PCDHGB1: variants seen among roughly 807,000 people sequenced by gnomAD.
PCDHGB1 encodes protocadherin gamma subfamily B, 1, also known as protocadherin gamma-B1.
PCDHGB1 carries 34 observed loss-of-function variants against 56.6 expected under a neutral mutation model. The ratio of observed to expected loss-of-function variants is 0.60; its 90% confidence interval spans 0.46 to 0.80. The LOEUF (loss-of-function observed/expected upper bound fraction) is 0.80. Ranked by LOEUF, PCDHGB1 falls within the 30% of genes least tolerant of loss-of-function variation. The probability of loss-of-function intolerance (pLI) is 0.00; values close to 1 mark genes in which losing one functional copy is unlikely to be tolerated. For synonymous variants in PCDHGB1, 561 were observed against 505.9 expected (o/e 1.11, Z -1.46); for missense variants, 1,278 against 1,204.6 (o/e 1.06, Z -0.90).
chr5:141,360,291 G>A (rs1221790863), intron 1 of PCDHGB1: 2 of 1,613,874 alleles, frequency 1.2e-6, no homozygotes, highest in African/African-American at 2.7e-5. Context: ...ACCTCGCCAA[G>A]GATCTGGGGC....
intron 1 of PCDHGB1, chr5:141,377,100 C>G (rs941685328): frequency 6.6e-6 from 1 of 152,186 alleles, no homozygotes; most frequent in East Asian, 1.9e-4. Context: ...TCTTTTATAT[C>G]AAAAGAATGT....
At position 141,491,583 on chromosome 5, in the gene PCDHGB1, C is replaced by T; in HGVS notation, c.2410-3224C>T. On this transcript the variant is annotated intron_variant, in intron 1 of 3. Transcript: ENST00000523390. The surrounding 1 kb of genome is among the most constrained non-coding windows in gnomAD (Gnocchi z 6.9). ...GCTACAGGACGTGCTTTTCACCGGC[C>T]TCGGACGGCAGTGACTTCACTTTTC... 1 of 1,613,964 alleles carries T rather than the reference C, an allele frequency of 6.2e-7. No individual in the cohort carries two copies. Among genetic ancestry groups the T allele is most frequent in the African/African-American group, 1.3e-5 (1 of 75,032 alleles).
At chr5:141,442,205 A>G (rs2098308049) in intron 1 of PCDHGB1, 1 of 153,214 alleles carries the variant, frequency 6.5e-6, no homozygotes, top group Admixed American at 6.5e-5. Context: ...ATATCTGGTG[A>G]TTGCCTTAGC....
At chr5:141,364,769 G>A in intron 1 of PCDHGB1, 4 of 1,614,012 alleles carry the variant, frequency 2.5e-6, no homozygotes, top group Non-Finnish European at 3.4e-6. Flanking sequence ...TGAAAATGCG[G>A]CTGCAGGGAC....
At chr5:141,376,055 G>C in intron 1 of PCDHGB1, 2 of 1,613,350 alleles carry the variant, frequency 1.2e-6, no homozygotes, top group Non-Finnish European at 1.7e-6. Flanking sequence ...CTCCGCCACT[G>C]TCACGCTCAC....
At chr5:141,375,775 C>A (rs1425476236) in intron 1 of PCDHGB1, 2 of 1,614,240 alleles carry the variant, frequency 1.2e-6, no homozygotes, top group East Asian at 2.2e-5. Flanking sequence ...AGATCCTGTA[C>A]CCCGCCCTCC....
chr5:141,376,508 G>A (rs1267982619), intron 1 of PCDHGB1: 1 of 1,614,020 alleles, frequency 6.2e-7, no homozygotes, highest in South Asian at 1.1e-5. Context: ...GCAACTTCAG[G>A]TGAGTTTCTT....
rs1327438256 is a variant in PCDHGB1 at position 141,351,581 on chromosome 5, A to G, written c.1321A>G (p.Ile441Val). The change falls in exon 1 of 4, where the codon ATC becomes GTC. Residue 441 changes from isoleucine to valine, a missense_variant. Ile to Val is a conservative substitution (Grantham distance 29). Transcript: ENST00000523390. Reference sequence around the variant, plus strand: ...AAGCATCACCCTGCACATCTCCGACATCAACGACAATGCACCTGTTTTCCA... The same window carrying G: ...AAGCATCACCCTGCACATCTCCGACGTCAACGACAATGCACCTGTTTTCCA... ...RTSITLHISDINDNAPVFHQA... is the reference protein window; with the variant it reads ...RTSITLHISDVNDNAPVFHQA... 1.2e-6 allele frequency: 2 copies of G among 1,614,024 alleles called. No homozygotes were observed. Among genetic ancestry groups the G allele is most frequent in the Admixed American group, 1.7e-5 (1 of 60,024 alleles).
intron 1 of PCDHGB1, among the ~76,000 whole-genome samples, chr5:141,436,181 T>A (rs1050736907): frequency 1.3e-5 from 2 of 152,092 alleles, no homozygotes; most frequent in African/African-American, 4.8e-5. Context: ...TCATATATAG[T>A]CAAATAGAAA....
chr5:141,419,393 G>T (rs1226844501), intron 1 of PCDHGB1: 2 of 1,613,620 alleles, frequency 1.2e-6, no homozygotes, highest in Non-Finnish European at 1.7e-6. Context: ...CGCGCAGAGC[G>T]GGGTGGTGTT....
chr5:141,415,119 G>A, intron 1 of PCDHGB1: 1 of 1,613,666 alleles, frequency 6.2e-7, no homozygotes, highest in African/African-American at 1.3e-5. Flanking sequence ...GCCTCGTAGT[G>A]GCCGTCCAGG....
Position 141,366,053 on chromosome 5 carries a change from G to C in PCDHGB1, c.2409+13384G>C, listed in dbSNP as rs202185929. 161 of 1,614,252 alleles carry C rather than the reference G, an allele frequency of 1.0e-4. 1 individual carries two copies. The African/African-American group carries it at 1.7e-3, about 17-fold the overall frequency. On this transcript the variant is annotated intron_variant, in intron 1 of 3. Transcript: ENST00000523390. ...CCTCCCCACAGACGGTTCCACGGGCGTGGAGCTGGCGCCTCGCTCCGCAGA... is the reference window on the plus strand; with the variant it reads ...CCTCCCCACAGACGGTTCCACGGGCCTGGAGCTGGCGCCTCGCTCCGCAGA...
At chr5:141,372,721 C>CA in intron 1 of PCDHGB1, 1 of 1,613,832 alleles carries the variant, frequency 6.2e-7, no homozygotes, top group Non-Finnish European at 8.5e-7. Flanking sequence ...GAAAATGCTG[C>CA]ACCACAAGAT....
rs759839362 is a variant in PCDHGB1 at position 141,351,387 on chromosome 5, G to T, written c.1127G>T (p.Gly376Val). 8 of 1,611,986 alleles carry T rather than the reference G, an allele frequency of 5.0e-6. No individual in the cohort carries two copies. The South Asian group carries it at 7.7e-5, about 16-fold the overall frequency. Residue 376 changes from glycine to valine, a missense_variant, in exon 1 of 4, where the codon GGC becomes GTC. Gly to Val is a moderately radical substitution (Grantham distance 109, BLOSUM62 -3). Transcript: ENST00000523390. ...CGAGACAAGGATTCTGGGCAAAATG[G>T]CATGGTGACATGCTATACTCAGGAA... ...KVRDKDSGQNGMVTCYTQEEV... is the reference protein window; with the variant it reads ...KVRDKDSGQNVMVTCYTQEEV...
In PCDHGB1 at chr5:141,485,099, G is replaced by T; in HGVS notation, c.2410-9708G>T. The T allele has an allele frequency of 8.7e-7, 1 of 1,145,218 alleles. No individual in the cohort carries two copies. Among genetic ancestry groups the T allele is most frequent in the Non-Finnish European group, 1.3e-6 (1 of 775,682 alleles). 70.9% of individuals were successfully genotyped at this position (1,145,218 alleles called of 1,614,324 possible). A position where few individuals can be genotyped will look rare whatever the true frequency, so the allele number is the denominator to read the frequency against. ...GGGGAAAGGGAGATAGGTGTCTCCA[G>T]CTGCTGTGGCTGTTTGGGGCGGGTC... On this transcript the variant is annotated intron_variant, in intron 1 of 3. Transcript: ENST00000523390. The surrounding 1 kb of genome is among the most constrained non-coding windows in gnomAD (Gnocchi z 5.7).
rs201394036 is a variant in PCDHGB1 at position 141,385,181 on chromosome 5, C to A, written c.2409+32512C>A. On this transcript the variant is annotated intron_variant, in intron 1 of 3. Coordinates refer to ENST00000523390, the MANE Select transcript of PCDHGB1 (RefSeq NM_018922.3). ...TATTCCCATGAGGTCTCCCTCACCGCGGACTCTCGGAAGAGTCACCTGATC... is the reference window on the plus strand; with the variant it reads ...TATTCCCATGAGGTCTCCCTCACCGAGGACTCTCGGAAGAGTCACCTGATC... 2.3e-4 allele frequency: 371 copies of A among 1,614,202 alleles called. 1 individual carries two copies. The highest frequency in any genetic ancestry group is 2.9e-4 in the Non-Finnish European group (346 of 1,180,040).
intron 1 of PCDHGB1, chr5:141,365,783 GCTCGAGTCAC>G (rs1561535325): frequency 6.2e-7 from 1 of 1,613,842 alleles, no homozygotes; most frequent in Admixed American, 1.7e-5. Flanking sequence ...CGGCGACAAC[GCTCGAGTCAC>G]CTACTCCCTG....
chr5:141,366,187 T>G (rs1297939104), intron 1 of PCDHGB1: 4 of 1,613,856 alleles, frequency 2.5e-6, no homozygotes, highest in African/African-American at 1.3e-5. Flanking sequence ...TCTTTGCGGT[T>G]GGGCTGCACA....
chr5:141,379,025 A>T (rs1320260929), intron 1 of PCDHGB1: 4 of 152,244 alleles, frequency 2.6e-5, no homozygotes, highest in African/African-American at 9.6e-5. Flanking sequence ...GAGTTGGAAG[A>T]TTCTACAATC....
Sources: allele counts gnomAD v4.1 joint callset (sites outside exome capture counted in the v4.1 genomes callset), GRCh38; gene constraint gnomAD v4.1.1; non-coding constraint Gnocchi (gnomAD v3.1); transcripts MANE v1.5; gene names NCBI Gene and HGNC (gene_info 2026-07-23, HGNC 2026-07-21).